IFT88: variants seen among roughly 807,000 people sequenced by gnomAD.
The protein encoded by IFT88 is intraflagellar transport protein 88 homolog.
Under a neutral mutation model 119.5 loss-of-function variants are expected in IFT88, and 74 were observed. The ratio of observed to expected loss-of-function variants is 0.62; its 90% CI spans 0.51 to 0.75. The LOEUF is 0.75. IFT88 is among the 30% of genes least tolerant of loss of function. The pLI, the probability that IFT88 is intolerant of heterozygous loss-of-function variation, is 0.00. For synonymous variants in IFT88, 279 were observed against 316.7 expected (o/e 0.88, Z 1.26); for missense variants, 961 against 977.7 (o/e 0.98, Z 0.23).
At chr13:20,616,735 G>A (rs2045677061) in intron 14 of IFT88, among the ~76,000 whole-genome samples, 1 of 152,146 alleles carries the variant, frequency 6.6e-6, no homozygotes, top group Non-Finnish European at 1.5e-5. Flanking sequence ...ATTATGTACT[G>A]TACATAATTG....
chr13:20,616,991 T>C (rs1361254520), intron 14 of IFT88, among the ~76,000 whole-genome samples: 1 of 152,096 alleles, frequency 6.6e-6, no homozygotes, highest in Non-Finnish European at 1.5e-5. Flanking sequence ...CCTCCCAGGC[T>C]GGAGTGCAGT....
intron 24 of IFT88, among the ~76,000 whole-genome samples, chr13:20,674,716 A>G (rs759942168): frequency 0.41 from 34,974 of 85,460 alleles, 6,015 homozygotes; most frequent in African/African-American, 0.55. Flanking sequence ...ATATATATAT[A>G]TATATATATT....
At chr13:20,627,941 AT>A (rs2047613814) in intron 15 of IFT88, among the ~76,000 whole-genome samples, 1 of 151,940 alleles carries the variant, frequency 6.6e-6, no homozygotes, top group Non-Finnish European at 1.5e-5. Context: ...TGGTTTACTG[AT>A]TTTTTTAAAA....
At chr13:20,612,866 T>A (rs2497477) in intron 13 of IFT88, among the ~76,000 whole-genome samples, 1 of 152,124 alleles carries the variant, frequency 6.6e-6, no homozygotes, top group Admixed American at 6.5e-5. Context: ...TTCAACAAAT[T>A]GTGCTGGGAA....
intron 13 of IFT88, 32 bp downstream of exon 13, chr13:20,605,137 A>G: frequency 4.7e-6 from 4 of 857,870 alleles, no homozygotes; most frequent in Non-Finnish European, 7.4e-6. Flanking sequence ...CGTAGTTATT[A>G]ATTACATTAT....
At chr13:20,690,596 TAAAC>T (rs2058377515) in intron 24 of IFT88, 105 bp from the exon 25 acceptor site, 1 of 700,010 alleles carries the variant, frequency 1.4e-6, no homozygotes, top group Non-Finnish European at 2.5e-6. Flanking sequence ...GCTTCCAAAT[TAAAC>T]AACCTGCTTG....
Position 20,687,038 on chromosome 13 carries a change from AAAAAAAAAAAACCTCATATTT to A in IFT88, c.2243-3661_2243-3641del, listed in dbSNP as rs1370529912. ...CTTTCTTACCAAAAAAAAAAAAAAA[AAAAAAAAAAAACCTCATATTT>A]AAAAACTACGTCACTCTAAAATGTT... On this transcript the variant is annotated intron_variant, in intron 24 of 25. Transcript: ENST00000351808. 1.6e-3 allele frequency among the ~76,000 whole-genome samples: 236 copies of A among 151,232 alleles called. 1 individual carries two copies. Among genetic ancestry groups the A allele is most frequent in the Non-Finnish European group, 2.5e-3 (171 of 67,718 alleles).
chr13:20,674,369 C>A (rs1345637718), intron 24 of IFT88, among the ~76,000 whole-genome samples: 1 of 152,168 alleles, frequency 6.6e-6, no homozygotes, highest in African/African-American at 2.4e-5. Flanking sequence ...TCATGTGTAG[C>A]TGTCCTCAAG....
chr13:20,671,549 T>C (rs1213178742), intron 24 of IFT88, among the ~76,000 whole-genome samples: 1 of 152,220 alleles, frequency 6.6e-6, no homozygotes, highest in Non-Finnish European at 1.5e-5. Flanking sequence ...ATAAATGCTA[T>C]AGGCTTTTGG....
intron 1 of IFT88, chr13:20,567,728 A>C (rs774603063): frequency 2.3e-6 from 3 of 1,284,352 alleles, no homozygotes; most frequent in Non-Finnish European, 3.0e-6. Flanking sequence ...AAAAGTACAC[A>C]ACAATGCAGA....
At chr13:20,668,372 T>C (rs2055131447) in intron 23 of IFT88, among the ~76,000 whole-genome samples, 1 of 152,232 alleles carries the variant, frequency 6.6e-6, no homozygotes, top group African/African-American at 2.4e-5. Context: ...TTCTTTTTTT[T>C]TTTCTTACAT....
chr13:20,663,692 A>G (rs1311139159), intron 23 of IFT88, 88 bp downstream of exon 23: 2 of 920,330 alleles, frequency 2.2e-6, no homozygotes, highest in Non-Finnish European at 3.3e-6. Flanking sequence ...AGGAGCTTCT[A>G]TAAGAAAACA....
chr13:20,655,094 A>G (rs1399260904), intron 21 of IFT88, among the ~76,000 whole-genome samples: 1 of 152,210 alleles, frequency 6.6e-6, no homozygotes, highest in Non-Finnish European at 1.5e-5. Flanking sequence ...AAGCTAAATT[A>G]TTTTGTTATA....
intron 1 of IFT88, among the ~76,000 whole-genome samples, chr13:20,573,324 C>T (rs1457108967): frequency 6.6e-6 from 1 of 151,908 alleles, no homozygotes; most frequent in East Asian, 1.9e-4. Flanking sequence ...CCACTCCCTG[C>T]CCCACTTTTT....
At chr13:20,641,425 A>G in intron 18 of IFT88, 27 bp downstream of exon 18, 1 of 1,364,716 alleles carries the variant, frequency 7.3e-7, no homozygotes, top group Non-Finnish European at 1.0e-6. Context: ...CCTTAGGGAC[A>G]GTTATTAATT....
At chr13:20,578,448 T>G (rs1299187602) in intron 2 of IFT88, among the ~76,000 whole-genome samples, 2 of 151,452 alleles carry the variant, frequency 1.3e-5, no homozygotes, top group Non-Finnish European at 2.9e-5. Flanking sequence ...CTTGGTAGGT[T>G]GTATATGTCT....
intron 22 of IFT88, among the ~76,000 whole-genome samples, chr13:20,661,538 G>A (rs567163223): frequency 6.6e-6 from 1 of 152,240 alleles, no homozygotes; most frequent in South Asian, 2.1e-4. Flanking sequence ...TTCAAGACCA[G>A]CCTGACCAAC....
At chr13:20,580,377 C>A (rs190761137) in intron 2 of IFT88, among the ~76,000 whole-genome samples, 12 of 151,952 alleles carry the variant, frequency 7.9e-5, no homozygotes, top group African/African-American at 2.9e-4. Flanking sequence ...ATTAGCCAGC[C>A]GTGGTGGCGG....
chr13:20,638,284 A>G, intron 16 of IFT88, 48 bp from the exon 17 acceptor site: 1 of 1,019,424 alleles, frequency 9.8e-7, no homozygotes, highest in Non-Finnish European at 1.3e-6. Flanking sequence ...AACAGTCAGA[A>G]AAGGTATTTC....
Sources: gnomAD v4.1 joint callset for allele counts (sites outside exome capture counted in the v4.1 genomes callset) on GRCh38, gnomAD v4.1.1 for gene constraint, MANE v1.5 for transcripts, NCBI Gene and HGNC (gene_info 2026-07-23, HGNC 2026-07-21) for gene names.